ZNF44: variants seen among roughly 807,000 people sequenced by gnomAD.
The protein encoded by ZNF44 is zinc finger protein 44.
ZNF44 carries 9 observed loss-of-function variants against 11.7 expected under a neutral mutation model. The ratio of observed to expected loss-of-function variants is 0.77; its 90% CI spans 0.46 to 1.35. The LOEUF (loss-of-function observed/expected upper bound fraction) is 1.35. Ranked by LOEUF, ZNF44 falls within the 40% of genes most tolerant of loss-of-function variation. The pLI is 0.00. For synonymous variants in ZNF44, 224 were observed against 242.7 expected (o/e 0.92, Z 0.72); for missense variants, 696 against 743.1 (o/e 0.94, Z 0.74).
At chr19:12,292,855 G>GTTTTTTTTTTTTTTTTTTTTTTTTTT (rs71166664) in intron 1 of ZNF44, among the ~76,000 whole-genome samples, 2 of 76,932 alleles carry the variant, frequency 2.6e-5, no homozygotes, top group African/African-American at 4.9e-5. Context: ...CAGAGGTTAG[G>GTTTTTTTTTTTTTTTTTTTTTTTTTT]TTTTTTTTTT....
chr19:12,288,302 C>T (rs1277660390), intron 1 of ZNF44, among the ~76,000 whole-genome samples: 1 of 152,118 alleles, frequency 6.6e-6, no homozygotes, highest in Admixed American at 6.6e-5. Flanking sequence ...AAGTATATGT[C>T]AAGAATACCT....
intron 5 of ZNF44, among the ~76,000 whole-genome samples, chr19:12,265,043 G>T (rs772604687): frequency 6.6e-6 from 1 of 151,922 alleles, no homozygotes; most frequent in African/African-American, 2.4e-5. Context: ...CCTAGGAATT[G>T]TAAGTCTAAG....
intron 5 of ZNF44, among the ~76,000 whole-genome samples, chr19:12,254,190 CTT>C (rs1917146052): frequency 6.7e-6 from 1 of 149,818 alleles, no homozygotes; most frequent in Non-Finnish European, 1.5e-5. Context: ...AAAAAAAACA[CTT>C]TAACAAACTT....
At chr19:12,282,720 G>A (rs939994680) in intron 1 of ZNF44, among the ~76,000 whole-genome samples, 1 of 152,212 alleles carries the variant, frequency 6.6e-6, no homozygotes. Flanking sequence ...ACCACGCCTG[G>A]CGAGAAGTCT....
At chr19:12,225,469 G>C (rs1851710231), downstream of ZNF44, among the ~76,000 whole-genome samples, 1 of 152,088 alleles carries the variant, frequency 6.6e-6, no homozygotes, top group African/African-American at 2.4e-5. Context: ...TACTAGGTCT[G>C]ATTGGCTGAT....
At chr19:12,247,496 G>T, downstream of ZNF44, 1 of 1,345,072 alleles carries the variant, frequency 7.4e-7, no homozygotes, top group South Asian at 1.2e-5. Flanking sequence ...TGGAACTACT[G>T]AAGGCTTTAC....
chr19:12,284,273 T>A, intron 1 of ZNF44: 1 of 421,998 alleles, frequency 2.4e-6, no homozygotes, highest in Non-Finnish European at 4.4e-6. Flanking sequence ...TAATACATAA[T>A]CACATGGAGA....
intron 1 of ZNF44, among the ~76,000 whole-genome samples, chr19:12,293,708 T>C (rs1175430725): frequency 6.6e-6 from 1 of 152,130 alleles, no homozygotes; most frequent in African/African-American, 2.4e-5. Context: ...AGATTTACTG[T>C]TAGCCCCAAG....
chr19:12,268,759 T>C (rs1486289414), downstream of ZNF44, among the ~76,000 whole-genome samples: 1 of 145,210 alleles, frequency 6.9e-6, no homozygotes, highest in Non-Finnish European at 1.5e-5. Context: ...TTTTTTTTTT[T>C]CTGAGACAGG....
At chr19:12,241,142 T>C (rs938077768), upstream of ZNF44, among the ~76,000 whole-genome samples, 1 of 152,098 alleles carries the variant, frequency 6.6e-6, no homozygotes, top group Non-Finnish European at 1.5e-5. Flanking sequence ...AACAACCACA[T>C]GGAATAATGC....
intron 1 of ZNF44, among the ~76,000 whole-genome samples, chr19:12,288,774 G>GTATATGTATATATATA (rs1413658227): frequency 2.2e-4 from 17 of 76,814 alleles, no homozygotes; most frequent in Non-Finnish European, 2.6e-4. Flanking sequence ...AAAAAAAAAT[G>GTATATGTATATATATA]TATATATATA....
At chr19:12,254,348 G>A (rs1352919966) in intron 5 of ZNF44, among the ~76,000 whole-genome samples, 1 of 152,174 alleles carries the variant, frequency 6.6e-6, no homozygotes, top group Non-Finnish European at 1.5e-5. Context: ...GTAGTTTTAA[G>A]GGCACTTAAA....
At chr19:12,242,551 C>T (rs1916655074), upstream of ZNF44, among the ~76,000 whole-genome samples, 1 of 143,250 alleles carries the variant, frequency 7.0e-6, no homozygotes, top group African/African-American at 2.6e-5. Context: ...CACATTGGCA[C>T]ACGGCTCACA....
chr19:12,264,862 A>AT (rs1917663095), intron 5 of ZNF44, among the ~76,000 whole-genome samples: 2 of 151,874 alleles, frequency 1.3e-5, no homozygotes, highest in Admixed American at 6.6e-5. Context: ...TGCCTGACTA[A>AT]TTTTTTGTAT....
chr19:12,230,464 C>T (rs1916113145), exon 3 of ZNF44: 1 of 152,242 alleles, frequency 6.6e-6, no homozygotes, highest in African/African-American at 2.4e-5. Flanking sequence ...TCTTACCAGT[C>T]AGCTGGATTA....
chr19:12,254,454 C>T (rs1917158338), intron 5 of ZNF44, among the ~76,000 whole-genome samples: 1 of 152,182 alleles, frequency 6.6e-6, no homozygotes, highest in South Asian at 2.1e-4. Flanking sequence ...GAATGAAAGG[C>T]TGGGCCTGGT....
downstream of ZNF44, chr19:12,247,253 T>C: frequency 8.5e-7 from 1 of 1,171,444 alleles, no homozygotes; most frequent in Non-Finnish European, 1.1e-6. Context: ...ATTGAAAAAC[T>C]TTCGATATTT....
At chr19:12,227,695 C>A (rs563993042) in intron 3 of ZNF44, among the ~76,000 whole-genome samples, 3 of 152,218 alleles carry the variant, frequency 2.0e-5, no homozygotes, top group Non-Finnish European at 4.4e-5. Flanking sequence ...TTTAACATAA[C>A]AATTATAATT....
downstream of ZNF44, among the ~76,000 whole-genome samples, chr19:12,246,830 AGCCTGG>A (rs1916778517): frequency 6.6e-6 from 1 of 150,636 alleles, no homozygotes; most frequent in African/African-American, 2.4e-5. Context: ...GTCCGCGGCC[AGCCTGG>A]GCAACATGGC....
Sources: gnomAD v4.1 joint callset for allele counts (sites outside exome capture counted in the v4.1 genomes callset) on GRCh38, gnomAD v4.1.1 for gene constraint, MANE v1.5 for transcripts, NCBI Gene and HGNC (gene_info 2026-07-23, HGNC 2026-07-21) for gene names.